The following MARCHF1 variants were observed in gnomAD, a reference collection of about 807,000 sequenced individuals.
The protein encoded by MARCHF1 is membrane associated ring-CH-type finger 1, also known as E3 ubiquitin-protein ligase MARCHF1.
In MARCHF1, 40 loss-of-function variants were observed where a neutral mutation model predicts 54.2. The ratio of observed to expected loss-of-function variants is 0.74; its 90% confidence interval spans 0.57 to 0.96. The LOEUF (loss-of-function observed/expected upper bound fraction) is 0.96. Among genes scored for constraint, MARCHF1 ranks in the 40% least tolerant of loss-of-function variants. The pLI, the probability that MARCHF1 is intolerant of heterozygous loss-of-function variation, is 0.00. For synonymous variants in MARCHF1, 236 were observed against 236.3 expected, an observed-to-expected ratio of 1.00 and a Z score of 0.01; for missense variants, 586 against 656.5, an observed-to-expected ratio of 0.89 and a Z score of 1.17.
At chr4:163,862,675 C>A (rs2111194973) in intron 3 of MARCHF1, among the ~76,000 whole-genome samples, 1 of 152,126 alleles carries the variant, frequency 6.6e-6, no homozygotes, top group Admixed American at 6.6e-5. Flanking sequence ...TGAAGGTAAA[C>A]ATAATCTTAT....
At chr4:163,788,896 CAT>C (rs1270983649) in intron 4 of MARCHF1, among the ~76,000 whole-genome samples, 2 of 152,026 alleles carry the variant, frequency 1.3e-5, no homozygotes, top group Non-Finnish European at 2.9e-5. Flanking sequence ...AGAAGCATCA[CAT>C]GATTAATAAA....
chr4:164,225,833 CT>C (rs1437689378), intron 1 of MARCHF1, among the ~76,000 whole-genome samples: 3 of 152,116 alleles, frequency 2.0e-5, no homozygotes, highest in Admixed American at 2.0e-4. Context: ...GGCATAAGTA[CT>C]CATTTAAAAG....
chr4:164,256,545 G>A (rs1182602525), intron 1 of MARCHF1, among the ~76,000 whole-genome samples: 1 of 150,738 alleles, frequency 6.6e-6, no homozygotes, highest in East Asian at 1.9e-4. Context: ...TAATTGAATA[G>A]ACAAGAATTT....
chr4:164,199,700 AG>A (rs1222536750), intron 1 of MARCHF1, among the ~76,000 whole-genome samples: 1 of 149,838 alleles, frequency 6.7e-6, no homozygotes. Flanking sequence ...AGAGAGAGAG[AG>A]AGAGAGAGAG....
intron 1 of MARCHF1, among the ~76,000 whole-genome samples, chr4:164,355,416 G>T (rs1468585197): frequency 1.6e-5 from 2 of 124,812 alleles, no homozygotes; most frequent in African/African-American, 5.9e-5. Context: ...CCAAAACAGA[G>T]ATATAGATCA....
At chr4:164,001,019 T>A (rs1464634458) in intron 2 of MARCHF1, among the ~76,000 whole-genome samples, 1 of 151,760 alleles carries the variant, frequency 6.6e-6, no homozygotes, top group East Asian at 1.9e-4. Flanking sequence ...TAAGAAATTT[T>A]AAAAAAGTGA....
chr4:164,059,241 T>C (rs1182377818), intron 2 of MARCHF1, among the ~76,000 whole-genome samples: 1 of 152,306 alleles, frequency 6.6e-6, no homozygotes, highest in East Asian at 1.9e-4. Context: ...ATTGATTCAG[T>C]TTGCTTTCTC....
intron 1 of MARCHF1, among the ~76,000 whole-genome samples, chr4:164,263,894 G>A (rs1579672260): frequency 6.6e-6 from 1 of 152,202 alleles, no homozygotes. Flanking sequence ...TACACTGTTG[G>A]TGGGTGTGCA....
chr4:163,793,424 T>C (rs1747823321), intron 4 of MARCHF1, among the ~76,000 whole-genome samples: 1 of 152,178 alleles, frequency 6.6e-6, no homozygotes, highest in African/African-American at 2.4e-5. Context: ...ATTTCTCCAA[T>C]TGTGAGATTT....
intron 4 of MARCHF1, among the ~76,000 whole-genome samples, chr4:163,794,921 C>T (rs1747870547): frequency 6.6e-6 from 1 of 152,024 alleles, no homozygotes; most frequent in Non-Finnish European, 1.5e-5. Flanking sequence ...AGAAATAGAA[C>T]ATTAAATCAG....
intron 4 of MARCHF1, among the ~76,000 whole-genome samples, chr4:163,826,847 C>A (rs1219505510): frequency 1.3e-4 from 20 of 151,830 alleles, no homozygotes; most frequent in African/African-American, 4.6e-4. Flanking sequence ...TAGGGTTATC[C>A]CCAGCAGAGA....
chr4:163,755,586 G>A (rs1746641132), intron 4 of MARCHF1, among the ~76,000 whole-genome samples: 1 of 149,088 alleles, frequency 6.7e-6, no homozygotes, highest in African/African-American at 2.5e-5. Context: ...GATCATGCAG[G>A]AAAAGATAAA....
At chr4:164,218,869 G>GT (rs1579632659) in intron 1 of MARCHF1, among the ~76,000 whole-genome samples, 1 of 149,690 alleles carries the variant, frequency 6.7e-6, no homozygotes, top group Non-Finnish European at 1.5e-5. Flanking sequence ...AAAAAAAGAA[G>GT]TAACAGTAGA....
chr4:163,655,455 G>A (rs1426084681), intron 5 of MARCHF1, among the ~76,000 whole-genome samples: 9 of 151,684 alleles, frequency 5.9e-5, no homozygotes, highest in African/African-American at 2.2e-4. Flanking sequence ...CACAATAATA[G>A]TGGGAGACTT....
chr4:163,743,367 T>C lies in MARCHF1; in HGVS notation c.112-42504A>G, dbSNP rs537262646. Among the ~76,000 whole-genome samples, 42 of 152,312 alleles carry C rather than the reference T, an allele frequency of 2.8e-4. 1 individual carries two copies. The South Asian group carries it at 8.3e-3, about 30-fold the overall frequency. On this transcript the variant is annotated intron_variant, in intron 4 of 9. Transcript: ENST00000514618. The stretch of plus-strand genomic sequence containing the variant: ...TGGTATGAGGCAGAATTTCCAAGCA[T>C]CTAAAGATTGTTTTCAGATTAAACC...
chr4:163,837,386 G>A (rs553568068), intron 4 of MARCHF1, among the ~76,000 whole-genome samples: 232 of 152,102 alleles, frequency 1.5e-3, no homozygotes, highest in South Asian at 2.5e-3. Context: ...CAAATAAAAG[G>A]CAAATATTTT....
At chr4:164,047,897 C>A (rs554575900) in intron 2 of MARCHF1, among the ~76,000 whole-genome samples, 70 of 152,030 alleles carry the variant, frequency 4.6e-4, no homozygotes, top group Non-Finnish European at 8.2e-4. Context: ...CCTCATTTCC[C>A]AATTTTGATT....
chr4:163,757,137 G>T (rs965943411), intron 4 of MARCHF1, among the ~76,000 whole-genome samples: 10 of 152,174 alleles, frequency 6.6e-5, no homozygotes, highest in Non-Finnish European at 1.3e-4. Context: ...GCAAAGTTTA[G>T]TCCCTGGGGA....
chr4:163,889,807 C>G (rs1460371346), intron 3 of MARCHF1, among the ~76,000 whole-genome samples: 1 of 150,656 alleles, frequency 6.6e-6, no homozygotes, highest in Non-Finnish European at 1.5e-5. Flanking sequence ...ATATATTTTT[C>G]TAGCAAATGT....
Sources: allele counts gnomAD v4.1 joint callset (sites outside exome capture counted in the v4.1 genomes callset), GRCh38; gene constraint gnomAD v4.1.1; transcripts MANE v1.5; gene names NCBI Gene and HGNC (gene_info 2026-07-23, HGNC 2026-07-21).